The following SNX6 variants were observed in gnomAD, a reference collection of about 807,000 sequenced individuals.
The protein encoded by SNX6 is sorting nexin-6.
In SNX6, 34 loss-of-function variants were observed where a neutral mutation model predicts 63.0. That is an observed-to-expected ratio of 0.54 (90% CI 0.41 to 0.72). The LOEUF is 0.72. Ranked by LOEUF, SNX6 falls within the 30% of genes least tolerant of loss-of-function variation. The pLI is 0.00. For missense variants in SNX6, 398 were observed against 471.4 expected (o/e 0.84, Z 1.44); for synonymous variants, 170 against 164.2 (o/e 1.04, Z -0.27).
intron 2 of SNX6, among the ~76,000 whole-genome samples, chr14:34,610,383 A>G (rs540945145): frequency 6.7e-6 from 1 of 149,990 alleles, no homozygotes; most frequent in Non-Finnish European, 1.5e-5. Context: ...ACTTCTTCCA[A>G]AAAAAAAAAC....
At chr14:34,621,107 C>A (rs747269645) in intron 2 of SNX6, among the ~76,000 whole-genome samples, 1 of 152,054 alleles carries the variant, frequency 6.6e-6, no homozygotes, top group Non-Finnish European at 1.5e-5. Context: ...TGTGACCACA[C>A]CCTGTTAATT....
intron 2 of SNX6, among the ~76,000 whole-genome samples, chr14:34,624,051 T>C (rs1883729815): frequency 6.6e-6 from 1 of 152,218 alleles, no homozygotes; most frequent in African/African-American, 2.4e-5. Context: ...GGCCAATATT[T>C]TTCAACACTA....
rs1462241952 is a variant in SNX6, at chr14:34,609,733, T to C, written c.64A>G (p.Ile22Val). Residue 22 changes from isoleucine (I) to valine (V), a missense_variant, in exon 3 of 14, where the codon ATA becomes GTA. Ile to Val is a conservative substitution (Grantham distance 29). Transcript: ENST00000362031. ...LSEEDRGLKA[I>V]NVDLQSDAAL... Reference sequence around the variant, plus strand: ...GCATCACTTTGAAGATCTACATTTATTGCTTTAAGCTAGAAAAAGAAAACC... The same window carrying C: ...GCATCACTTTGAAGATCTACATTTACTGCTTTAAGCTAGAAAAAGAAAACC... 6 of 1,607,442 alleles carry C rather than the reference T, an allele frequency of 3.7e-6. No individual in the cohort carries two copies. The highest frequency in any genetic ancestry group is 1.7e-4 in the Middle Eastern group (1 of 6,034).
intron 2 of SNX6, 179 bp downstream of exon 2, chr14:34,629,728 C>T: frequency 3.9e-6 from 4 of 1,026,920 alleles, no homozygotes; most frequent in Non-Finnish European, 5.8e-6. Context: ...CGGAGCCGAG[C>T]GGCCCCTAGG....
chr14:34,616,514 C>A (rs768226273), intron 2 of SNX6, among the ~76,000 whole-genome samples: 6 of 152,020 alleles, frequency 3.9e-5, no homozygotes, highest in African/African-American at 1.5e-4. Context: ...GGACTACAGG[C>A]ACACATCACC....
intron 13 of SNX6, among the ~76,000 whole-genome samples, chr14:34,563,520 C>T (rs1307319290): frequency 6.7e-6 from 1 of 149,056 alleles, no homozygotes; most frequent in African/African-American, 2.5e-5. Context: ...GATCGCGCCA[C>T]TGCACTCCAC....
chr14:34,573,259 TAA>T (rs1340369955), intron 11 of SNX6, among the ~76,000 whole-genome samples: 1 of 152,134 alleles, frequency 6.6e-6, no homozygotes, highest in Non-Finnish European at 1.5e-5. Context: ...ATCACAGGCA[TAA>T]GTCACAGTAC....
intron 2 of SNX6, among the ~76,000 whole-genome samples, chr14:34,612,754 A>G (rs1427274092): frequency 6.6e-6 from 1 of 151,848 alleles, no homozygotes; most frequent in East Asian, 2.0e-4. Context: ...CCTTATATAT[A>G]AAAGGCAGAG....
rs1454035967 is a variant in SNX6 at position 34,575,921 on chromosome 14, TG to T, written c.835-80del. ...GTGGTTTCCTTCTTTTTGTTGTTGT[TG>T]TTTTTTTGTTTTTTTTTTTGAGACG... On this transcript the variant is annotated intron_variant, in intron 10 of 13. Transcript: ENST00000362031. The T allele has an allele frequency of 3.2e-5, 25 of 771,980 alleles. No individual in the cohort carries two copies. The Admixed American group carries it at 4.6e-4, about 14-fold the overall frequency. The allele number at this position is 771,980 out of a possible 1,614,324, so 47.8% of individuals were successfully genotyped here. A position where few individuals can be genotyped will look rare whatever the true frequency, so the allele number is the denominator to read the frequency against.
At chr14:34,570,815 C>A (rs2138267649) in intron 11 of SNX6, among the ~76,000 whole-genome samples, 1 of 150,614 alleles carries the variant, frequency 6.6e-6, no homozygotes. Flanking sequence ...GTTCTGCCTC[C>A]CGGGTTCATG....
intron 3 of SNX6, 22 bp downstream of exon 3, chr14:34,609,616 G>C: frequency 6.8e-7 from 1 of 1,478,526 alleles, no homozygotes; most frequent in African/African-American, 1.4e-5. Flanking sequence ...TAAAATAATA[G>C]AAAGTACAAA....
At chr14:34,578,636 A>G (rs1287198454) in intron 10 of SNX6, among the ~76,000 whole-genome samples, 4 of 148,828 alleles carry the variant, frequency 2.7e-5, no homozygotes, top group Admixed American at 1.3e-4. Flanking sequence ...CTCAAAAAGA[A>G]AAAAAAAAAA....
chr14:34,626,123 C>G (rs1439303756), intron 2 of SNX6, among the ~76,000 whole-genome samples: 1 of 152,042 alleles, frequency 6.6e-6, no homozygotes, highest in Non-Finnish European at 1.5e-5. Flanking sequence ...TATAATGAAA[C>G]AATGATTATG....
chr14:34,604,057 A>G (rs1882925156), intron 5 of SNX6: 7 of 780,374 alleles, frequency 9.0e-6, no homozygotes, highest in South Asian at 6.5e-5. Context: ...GTTTGGGGGA[A>G]AAAAAAAAAA....
At chr14:34,629,311 A>AATCCTGCC (rs1417829830) in intron 2 of SNX6, 4 of 345,686 alleles carry the variant, frequency 1.2e-5, no homozygotes, top group African/African-American at 8.6e-5. Flanking sequence ...ACACCAAGGA[A>AATCCTGCC]ATCCTGCCAA....
At chr14:34,598,523 C>G (rs989689169) in intron 6 of SNX6, among the ~76,000 whole-genome samples, 2 of 152,188 alleles carry the variant, frequency 1.3e-5, no homozygotes, top group African/African-American at 4.8e-5. Context: ...TCCCGAGTAG[C>G]TGGGACCACA....
chr14:34,623,713 T>C (rs1282750532), intron 2 of SNX6, among the ~76,000 whole-genome samples: 1 of 152,162 alleles, frequency 6.6e-6, no homozygotes, highest in African/African-American at 2.4e-5. Flanking sequence ...ACTCAGAGGT[T>C]TCTTGCCGGC....
Position 34,575,932 on chromosome 14 carries a change from T to G in SNX6, c.835-90A>C, listed in dbSNP as rs571803918. 7.4e-5 allele frequency: 52 copies of G among 704,592 alleles called. No individual in the cohort carries two copies. The African/African-American group carries it at 9.5e-4, about 13-fold the overall frequency. The allele number at this position is 704,592 out of a possible 1,614,324, so 43.6% of individuals were successfully genotyped here. A position where few individuals can be genotyped will look rare whatever the true frequency, so the allele number is the denominator to read the frequency against. The stretch of plus-strand genomic sequence containing the variant: ...CTTTTTGTTGTTGTTGTTTTTTTGT[T>G]TTTTTTTTTGAGACGGAGTCTTGCT... On this transcript the variant is annotated intron_variant, in intron 10 of 13. Transcript: ENST00000362031.
intron 2 of SNX6, among the ~76,000 whole-genome samples, chr14:34,626,253 G>GT (rs200262070): frequency 6.8e-4 from 103 of 152,092 alleles, no homozygotes; most frequent in African/African-American, 2.4e-3. Flanking sequence ...TCTAATTCAG[G>GT]TTTTTTTCCA....
Sources: gnomAD v4.1 joint callset for allele counts (sites outside exome capture counted in the v4.1 genomes callset) on GRCh38, gnomAD v4.1.1 for gene constraint, MANE v1.5 for transcripts, NCBI Gene and HGNC (gene_info 2026-07-23, HGNC 2026-07-21) for gene names.